MDGA2: variants seen among roughly 807,000 people sequenced by gnomAD.
MDGA2 encodes MAM domain containing glycosylphosphatidylinositol anchor 2.
MDGA2 carries 40 observed loss-of-function variants against 117.8 expected under a neutral mutation model. That is an observed-to-expected ratio of 0.34 (90% CI 0.26 to 0.44). The LOEUF (loss-of-function observed/expected upper bound fraction) is 0.44, where lower values mean the gene tolerates loss of function less well. Ranked by LOEUF, MDGA2 falls within the 20% of genes least tolerant of loss-of-function variation. MDGA2 has a pLI of 1.00. For missense variants in MDGA2, 1,123 were observed against 1,250.6 expected (o/e 0.90, Z 1.54); for synonymous variants, 452 against 439.0 (o/e 1.03, Z -0.37).
intron 2 of MDGA2, among the ~76,000 whole-genome samples, chr14:47,232,843 T>A (rs1486422565): frequency 6.6e-6 from 1 of 152,142 alleles, no homozygotes. Context: ...TCTATAATTT[T>A]AATGACAGAA....
chr14:47,467,538 T>A (rs1055876654), intron 1 of MDGA2, among the ~76,000 whole-genome samples: 1 of 152,112 alleles, frequency 6.6e-6, no homozygotes, highest in East Asian at 1.9e-4. Flanking sequence ...TAGCTTGTCA[T>A]AATTTTCAAC....
intron 1 of MDGA2, among the ~76,000 whole-genome samples, chr14:47,650,011 A>G (rs1897609296): frequency 6.6e-6 from 1 of 152,100 alleles, no homozygotes; most frequent in African/African-American, 2.4e-5. Flanking sequence ...CTTTTAGATG[A>G]TTTTAACATT....
chr14:47,074,263 T>G (rs1356199026), intron 6 of MDGA2, among the ~76,000 whole-genome samples: 1 of 152,086 alleles, frequency 6.6e-6, no homozygotes, highest in Non-Finnish European at 1.5e-5. Flanking sequence ...ATCACTCACT[T>G]TTAACCTCTC....
rs35619816 is a variant in MDGA2 at position 46,869,351 on chromosome 14, C to CTT, written c.2752+4080_2752+4081dup. ...ATATCTAGTGATCTCCTATGAGATT[C>CTT]TTTTTTTTTTTTTTTTTTGCAAGAA... On this transcript the variant is annotated intron_variant, in intron 14 of 16. Transcript: ENST00000399232. Among the ~76,000 whole-genome samples the CTT allele has an allele frequency of 1.1e-3, 126 of 119,106 alleles. 2 individuals carry two copies. Among genetic ancestry groups the CTT allele is most frequent in the African/African-American group, 3.3e-3 (108 of 33,096 alleles). 78.1% of individuals were successfully genotyped at this position (119,106 alleles called of 152,430 possible).
intron 6 of MDGA2, among the ~76,000 whole-genome samples, chr14:47,092,075 T>A (rs1461331860): frequency 6.6e-6 from 1 of 152,162 alleles, no homozygotes; most frequent in Non-Finnish European, 1.5e-5. Context: ...ATATAGCAGG[T>A]GAATTTCTAA....
chr14:47,637,174 A>C (rs886079498), intron 1 of MDGA2, among the ~76,000 whole-genome samples: 94 of 152,270 alleles, frequency 6.2e-4, no homozygotes, highest in Non-Finnish European at 1.2e-3. Flanking sequence ...AAACATACTT[A>C]TGGATATGGG....
At position 47,336,896 on chromosome 14, in the gene MDGA2, C is replaced by T. The variant is rs115585686; in HGVS notation, c.281-35346G>A. On this transcript the variant is annotated intron_variant, in intron 1 of 16. Coordinates refer to ENST00000399232, the MANE Select transcript of MDGA2 (RefSeq NM_001113498.3). ...TTTTCCACAGTACCCAGCACAGTGC[C>T]CATTGTAGTACATGTTCAATGTATG... is the stretch of plus-strand genomic sequence containing the variant. Among the ~76,000 whole-genome samples the T allele has an allele frequency of 2.5e-3, 377 of 151,872 alleles. 3 individuals carry two copies. Among genetic ancestry groups the T allele is most frequent in the African/African-American group, 8.8e-3 (366 of 41,452 alleles).
At chr14:47,612,226 A>AGATAGATG (rs1896862705) in intron 1 of MDGA2, among the ~76,000 whole-genome samples, 1 of 151,644 alleles carries the variant, frequency 6.6e-6, no homozygotes, top group Non-Finnish European at 1.5e-5. Flanking sequence ...ATAGATAGAT[A>AGATAGATG]GATAGATAGA....
chr14:47,482,679 A>G (rs1400107927), intron 1 of MDGA2, among the ~76,000 whole-genome samples: 1 of 151,992 alleles, frequency 6.6e-6, no homozygotes, highest in Non-Finnish European at 1.5e-5. Context: ...TCATTTATTC[A>G]CTCAATATTA....
chr14:47,112,723 A>G (rs1204434406), intron 5 of MDGA2, among the ~76,000 whole-genome samples: 2 of 152,230 alleles, frequency 1.3e-5, no homozygotes, highest in African/African-American at 2.4e-5. Flanking sequence ...TATCTTTATA[A>G]TAGAATGATT....
At chr14:46,879,804 T>C (rs950319472) in intron 11 of MDGA2, among the ~76,000 whole-genome samples, 3 of 152,178 alleles carry the variant, frequency 2.0e-5, no homozygotes, top group African/African-American at 7.2e-5. Flanking sequence ...AAGATATTGA[T>C]ATTAATGCAC....
At chr14:46,970,189 G>GA (rs1364201099) in intron 8 of MDGA2, among the ~76,000 whole-genome samples, 2 of 151,162 alleles carry the variant, frequency 1.3e-5, no homozygotes, top group African/African-American at 4.9e-5. Flanking sequence ...CACAGAATTA[G>GA]AAAAAAACAA....
intron 3 of MDGA2, among the ~76,000 whole-genome samples, chr14:47,149,902 C>T (rs971644184): frequency 6.6e-6 from 1 of 152,164 alleles, no homozygotes; most frequent in Non-Finnish European, 1.5e-5. Flanking sequence ...GCATCTAGCT[C>T]CATACATACT....
chr14:47,647,178 A>C (rs1897550407), intron 1 of MDGA2, among the ~76,000 whole-genome samples: 1 of 152,140 alleles, frequency 6.6e-6, no homozygotes, highest in Admixed American at 6.5e-5. Flanking sequence ...GATTAAAAAT[A>C]CTCTAAGATT....
chr14:47,145,994 A>C (rs888092441), intron 3 of MDGA2, among the ~76,000 whole-genome samples: 1 of 152,132 alleles, frequency 6.6e-6, no homozygotes, highest in African/African-American at 2.4e-5. Context: ...CATGACAAAA[A>C]CTTTAACAAA....
At chr14:47,487,781 A>C (rs1461961710) in intron 1 of MDGA2, among the ~76,000 whole-genome samples, 1 of 152,186 alleles carries the variant, frequency 6.6e-6, no homozygotes, top group Non-Finnish European at 1.5e-5. Context: ...TTTATTGAAA[A>C]TTAACTTTTC....
At chr14:46,913,380 G>A (rs1883778978) in intron 10 of MDGA2, among the ~76,000 whole-genome samples, 1 of 152,080 alleles carries the variant, frequency 6.6e-6, no homozygotes, top group South Asian at 2.1e-4. Flanking sequence ...AGATTTTCCT[G>A]GACAGGCATG....
intron 1 of MDGA2, among the ~76,000 whole-genome samples, chr14:47,436,726 T>C (rs1045660505): frequency 6.6e-5 from 10 of 152,228 alleles, no homozygotes; most frequent in African/African-American, 1.9e-4. Flanking sequence ...TAGGAAAGTT[T>C]ATGAATTCAT....
intron 1 of MDGA2, among the ~76,000 whole-genome samples, chr14:47,655,824 C>A (rs1169371463): frequency 6.6e-6 from 1 of 152,066 alleles, no homozygotes; most frequent in Non-Finnish European, 1.5e-5. Context: ...TGGCTTAGGG[C>A]AGTTAAAGAC....
Sources: gnomAD v4.1 joint callset for allele counts (sites outside exome capture counted in the v4.1 genomes callset) on GRCh38, gnomAD v4.1.1 for gene constraint, MANE v1.5 for transcripts, NCBI Gene and HGNC (gene_info 2026-07-23, HGNC 2026-07-21) for gene names.